ADGRV1: variants seen among roughly 807,000 people sequenced by gnomAD.
ADGRV1 encodes G-protein coupled receptor 98.
A neutral mutation model predicts 596.2 loss-of-function variants in ADGRV1; 359 were observed. That is an observed-to-expected ratio of 0.60 (90% confidence interval 0.55 to 0.66). ADGRV1 has a LOEUF of 0.66. Ranked by LOEUF, ADGRV1 falls within the 30% of genes least tolerant of loss-of-function variation. ADGRV1 has a pLI of 0.00. For missense variants in ADGRV1, 7,274 were observed against 7,575.6 expected (o/e 0.96, Z 1.48); for synonymous variants, 2,681 against 2,679.2 (o/e 1.00, Z -0.02).
At chr5:90,937,222 A>ATT in intron 83 of ADGRV1, among the ~76,000 whole-genome samples, 1 of 152,214 alleles carries the variant, frequency 6.6e-6, no homozygotes, top group Middle Eastern at 3.4e-3. Context: ...ATTCTGGAAA[A>ATT]TTCTCAGCAA....
intron 86 of ADGRV1, among the ~76,000 whole-genome samples, chr5:91,072,979 G>A (rs958497723): frequency 3.9e-5 from 6 of 152,104 alleles, no homozygotes; most frequent in Admixed American, 2.0e-4. Flanking sequence ...ACAAACCTCC[G>A]CAGTGCTCAT....
Position 90,600,303 on chromosome 5 carries a change from C to T in ADGRV1, c.23-14532C>T, listed in dbSNP as rs573324231. On this transcript the variant is annotated intron_variant, in intron 1 of 89. Transcript: ENST00000405460. ...ATTTCTCCTAATGCTATCCCTCCCC[C>T]TTCCCCCCACCTCACAACAGGCCTT... Among the ~76,000 whole-genome samples the T allele has an allele frequency of 3.3e-5, 5 of 152,288 alleles. No individual in the cohort carries two copies. The Middle Eastern group carries it at 0.017, about 518-fold the overall frequency.
At chr5:90,721,436 G>A (rs1414698136) in intron 45 of ADGRV1, among the ~76,000 whole-genome samples, 11 of 151,452 alleles carry the variant, frequency 7.3e-5, no homozygotes, top group Admixed American at 2.6e-4. Flanking sequence ...CCTGGGAGGC[G>A]GAGCTTGCAG....
chr5:91,057,662 T>C (rs1787008511), intron 85 of ADGRV1, among the ~76,000 whole-genome samples: 1 of 152,232 alleles, frequency 6.6e-6, no homozygotes, highest in South Asian at 2.1e-4. Flanking sequence ...AAATTCCTTA[T>C]GATAAAATAT....
At chr5:90,950,969 G>A (rs1028009272) in intron 83 of ADGRV1, among the ~76,000 whole-genome samples, 2 of 152,044 alleles carry the variant, frequency 1.3e-5, no homozygotes, top group Non-Finnish European at 2.9e-5. Flanking sequence ...GATAAGCCTC[G>A]CTCTTCTTTT....
rs181146384 is a variant in ADGRV1, at chr5:90,617,818, C to T, written c.222C>T (p.Asp74=). The change falls in exon 3 of 90, where the codon GAC becomes GAT. Residue 74 remains aspartate (D), a synonymous_variant. Transcript: ENST00000405460. ...GCATTTGATAGCTGTATGGAGAGGA[C>T]GCTGGTGACTTTTTTGACACATATG... ...VTAIVSLYGE[D]AGDFFDTYAA... The T allele has an allele frequency of 4.8e-5, 76 of 1,595,996 alleles. No individual in the cohort carries two copies. In the East Asian group the frequency reaches 5.2e-4, roughly 11 times the overall value.
At chr5:91,090,412 AT>A (rs1015542723) in intron 86 of ADGRV1, among the ~76,000 whole-genome samples, 4 of 149,986 alleles carry the variant, frequency 2.7e-5, no homozygotes, top group African/African-American at 7.4e-5. Flanking sequence ...GGCTTGTACC[AT>A]TTTTTTTTCA....
At chr5:90,887,139 T>C (rs1410335312) in intron 83 of ADGRV1, among the ~76,000 whole-genome samples, 1 of 152,112 alleles carries the variant, frequency 6.6e-6, no homozygotes, top group Non-Finnish European at 1.5e-5. Flanking sequence ...TAAGACTGTA[T>C]CACCAGCTCC....
chr5:90,851,540 C>G (rs76352941), intron 79 of ADGRV1, among the ~76,000 whole-genome samples: 1 of 152,166 alleles, frequency 6.6e-6, no homozygotes, highest in African/African-American at 2.4e-5. Flanking sequence ...AGGAGAATGA[C>G]GGAATCTAGA....
intron 1 of ADGRV1, among the ~76,000 whole-genome samples, chr5:90,571,220 C>G (rs1243477065): frequency 6.6e-6 from 1 of 151,944 alleles, no homozygotes; most frequent in African/African-American, 2.4e-5. Context: ...TCCTGGGAAA[C>G]AGTAAGTCTC....
At chr5:90,765,460 C>CAA (rs1179810058) in intron 59 of ADGRV1, among the ~76,000 whole-genome samples, 1 of 148,308 alleles carries the variant, frequency 6.7e-6, no homozygotes, top group African/African-American at 2.6e-5. Flanking sequence ...CACACACACA[C>CAA]ACACACACAC....
chr5:90,856,937 A>T (rs1325968551), intron 82 of ADGRV1, among the ~76,000 whole-genome samples: 1 of 152,200 alleles, frequency 6.6e-6, no homozygotes, highest in Non-Finnish European at 1.5e-5. Flanking sequence ...GTATGCAAAC[A>T]GTCTCTCTAA....
chr5:91,059,237 C>G (rs1787185786), intron 85 of ADGRV1, among the ~76,000 whole-genome samples: 1 of 152,096 alleles, frequency 6.6e-6, no homozygotes, highest in Admixed American at 6.6e-5. Flanking sequence ...ATTGTTTTCC[C>G]TATTTTATTT....
At chr5:90,972,747 GCAGGAA>G (rs1779166919) in intron 84 of ADGRV1, among the ~76,000 whole-genome samples, 2 of 152,082 alleles carry the variant, frequency 1.3e-5, no homozygotes, top group South Asian at 4.2e-4. Flanking sequence ...ACAAGAGAAA[GCAGGAA>G]CGATCTAAAA....
chr5:90,805,380 G>A lies in ADGRV1; in HGVS notation c.14758G>A (p.Val4920Ile), dbSNP rs1219145301. The change falls in exon 72 of 90, where the codon GTT becomes ATT. Residue 4920 changes from valine (V) to isoleucine (I), a missense_variant. Transcript: ENST00000405460. The part of the protein sequence containing the change: ...SRRGTYGALS[V>I]AWTTGYAPGL... ...GAGAGGCACATATGGAGCTCTCTCG[G>A]TTGCCTGGACCACTGGATATGCTCC... is the stretch of plus-strand genomic sequence containing the variant. 1.2e-6 allele frequency: 2 copies of A among 1,611,274 alleles called. No individual in the cohort carries two copies. The highest frequency in any genetic ancestry group is 4.5e-5 in the East Asian group (2 of 44,864).
At chr5:90,759,330 A>G (rs954271809) in intron 57 of ADGRV1, 79 bp from the exon 58 acceptor site, 7 of 1,052,452 alleles carry the variant, frequency 6.7e-6, no homozygotes, top group Admixed American at 5.1e-5. Flanking sequence ...AACTGTGATT[A>G]CATTATTTCT....
chr5:90,704,797 T>G (rs1748377929), intron 36 of ADGRV1, among the ~76,000 whole-genome samples: 1 of 151,876 alleles, frequency 6.6e-6, no homozygotes, highest in African/African-American at 2.4e-5. Context: ...GGACCAATTA[T>G]ATGGATAAAT....
intron 30 of ADGRV1, 62 bp from the exon 31 acceptor site, chr5:90,690,735 G>T: frequency 1.3e-6 from 2 of 1,514,104 alleles, no homozygotes; most frequent in Non-Finnish European, 1.8e-6. Flanking sequence ...ATGGTGCTTG[G>T]TTAACTGTTA....
intron 57 of ADGRV1, among the ~76,000 whole-genome samples, chr5:90,758,992 C>T (rs1415812949): frequency 6.6e-6 from 1 of 151,848 alleles, no homozygotes; most frequent in East Asian, 1.9e-4. Context: ...ATATTAATAC[C>T]AAGCATACTG....
Sources: gnomAD v4.1 joint callset for allele counts (sites outside exome capture counted in the v4.1 genomes callset) on GRCh38, gnomAD v4.1.1 for gene constraint, MANE v1.5 for transcripts, NCBI Gene and HGNC (gene_info 2026-07-23, HGNC 2026-07-21) for gene names.